CDKAL1: variants seen among roughly 807,000 people sequenced by gnomAD.
CDKAL1 encodes the protein threonylcarbamoyladenosine tRNA methylthiotransferase.
Under a neutral mutation model 68.2 loss-of-function variants are expected in CDKAL1, and 32 were observed. The observed-to-expected ratio is 0.47, with a 90% CI of 0.35 to 0.63. The LOEUF is 0.63. Ranked by LOEUF, CDKAL1 falls within the 30% of genes least tolerant of loss-of-function variation. CDKAL1 has a pLI of 0.00. For synonymous variants in CDKAL1, 234 were observed against 244.3 expected (o/e 0.96, Z 0.39); for missense variants, 606 against 696.7 (o/e 0.87, Z 1.47).
At chr6:21,226,649 G>C (rs1779757741) in intron 15 of CDKAL1, among the ~76,000 whole-genome samples, 1 of 152,154 alleles carries the variant, frequency 6.6e-6, no homozygotes, top group South Asian at 2.1e-4. Flanking sequence ...AGTAGAATTT[G>C]AGTTCTTAAA....
chr6:20,988,182 ATGTGTGTGTG>A (rs58720900), intron 10 of CDKAL1, among the ~76,000 whole-genome samples: 20 of 137,386 alleles, frequency 1.5e-4, no homozygotes, highest in African/African-American at 2.1e-4. Context: ...GAAACATAAT[ATGTGTGTGTG>A]TGTGTGTGTG....
intron 12 of CDKAL1, among the ~76,000 whole-genome samples, chr6:21,106,573 C>T (rs1405917759): frequency 1.3e-5 from 2 of 152,094 alleles, no homozygotes; most frequent in African/African-American, 4.8e-5. Context: ...GAGATCCTGT[C>T]CCTAAGTAAT....
chr6:21,010,979 G>A (rs1210138363), intron 11 of CDKAL1, among the ~76,000 whole-genome samples: 1 of 151,412 alleles, frequency 6.6e-6, no homozygotes, highest in Non-Finnish European at 1.5e-5. Context: ...CTACTTGGGA[G>A]GCTGAGGCAG....
rs991034878 is a variant in CDKAL1, at chr6:21,066,416, G to A, written c.1236+1188G>A. On this transcript the variant is annotated intron_variant, in intron 12 of 15. Transcript: ENST00000274695. ...TAACTTCCCACAAACATAAAAAGAT[G>A]CCAAATTAATTCATTTTCTTCTATA... Among the ~76,000 whole-genome samples, 5 of 152,156 alleles carry A rather than the reference G, an allele frequency of 3.3e-5. No homozygotes were observed. In the East Asian group the frequency reaches 9.7e-4, roughly 29 times the overall value.
intron 8 of CDKAL1, among the ~76,000 whole-genome samples, chr6:20,803,727 A>G (rs1189904611): frequency 1.3e-5 from 2 of 152,140 alleles, no homozygotes; most frequent in African/African-American, 4.8e-5. Flanking sequence ...GTTGGGGAGA[A>G]TCAGGGGAGC....
At chr6:20,758,676 A>G (rs202142569) in intron 7 of CDKAL1, 33 bp downstream of exon 7, 134 of 1,541,806 alleles carry the variant, frequency 8.7e-5, no homozygotes, top group East Asian at 2.3e-5. Context: ...ACAGATGTAT[A>G]TATTTTCTGA....
chr6:20,873,361 A>C (rs1010347050), intron 9 of CDKAL1, among the ~76,000 whole-genome samples: 1 of 152,216 alleles, frequency 6.6e-6, no homozygotes, highest in African/African-American at 2.4e-5. Flanking sequence ...GTATGCATTT[A>C]TAAACTCTCA....
intron 8 of CDKAL1, among the ~76,000 whole-genome samples, chr6:20,805,112 T>G (rs1776514328): frequency 6.6e-6 from 1 of 152,202 alleles, no homozygotes; most frequent in South Asian, 2.1e-4. Context: ...TGTGTGTTAC[T>G]GCATTTCACT....
chr6:21,185,631 G>C (rs556338186), intron 13 of CDKAL1, among the ~76,000 whole-genome samples: 3 of 152,110 alleles, frequency 2.0e-5, no homozygotes, highest in Non-Finnish European at 4.4e-5. Context: ...ATGTGTCTAC[G>C]TATCTATGTG....
At chr6:20,601,722 T>C (rs1463110889) in intron 4 of CDKAL1, among the ~76,000 whole-genome samples, 2 of 152,146 alleles carry the variant, frequency 1.3e-5, no homozygotes, top group African/African-American at 4.8e-5. Flanking sequence ...AGAAAAGAAT[T>C]TGCAATATTT....
intron 15 of CDKAL1, among the ~76,000 whole-genome samples, chr6:21,221,666 C>T (rs920014283): frequency 2.0e-5 from 3 of 152,138 alleles, no homozygotes; most frequent in African/African-American, 7.2e-5. Context: ...GGGAAAAAAG[C>T]CTGTTCTAAA....
chr6:21,044,602 G>A (rs747897413), intron 11 of CDKAL1, among the ~76,000 whole-genome samples: 9 of 152,184 alleles, frequency 5.9e-5, no homozygotes, highest in Non-Finnish European at 1.2e-4. Flanking sequence ...CTAACTTTAT[G>A]TTGACATAGT....
intron 12 of CDKAL1, among the ~76,000 whole-genome samples, chr6:21,074,115 A>G (rs1422052166): frequency 6.6e-6 from 1 of 152,204 alleles, no homozygotes; most frequent in Non-Finnish European, 1.5e-5. Context: ...GCTTCAAACA[A>G]CAGAAATGTA....
At chr6:20,797,841 G>T (rs11968853) in intron 8 of CDKAL1, among the ~76,000 whole-genome samples, 1 of 143,870 alleles carries the variant, frequency 7.0e-6, no homozygotes, top group East Asian at 2.0e-4. Context: ...CTTGGAGACA[G>T]GGTCTAGCTC....
chr6:20,867,198 A>G (rs1759956510), intron 9 of CDKAL1, among the ~76,000 whole-genome samples: 1 of 152,134 alleles, frequency 6.6e-6, no homozygotes, highest in African/African-American at 2.4e-5. Flanking sequence ...TCTCAGTGTA[A>G]TATAGAGTAA....
intron 15 of CDKAL1, among the ~76,000 whole-genome samples, chr6:21,216,336 T>G (rs1300469624): frequency 6.6e-6 from 1 of 152,186 alleles, no homozygotes; most frequent in African/African-American, 2.4e-5. Context: ...GCATAGTGGC[T>G]CACTCCTGTA....
chr6:21,185,306 T>C (rs531700190), intron 13 of CDKAL1, among the ~76,000 whole-genome samples: 1 of 152,186 alleles, frequency 6.6e-6, no homozygotes, highest in East Asian at 1.9e-4. Flanking sequence ...AATTGAAAAT[T>C]GTTTGGACTA....
chr6:20,569,983 G>A (rs1309443831), intron 4 of CDKAL1, among the ~76,000 whole-genome samples: 1 of 151,846 alleles, frequency 6.6e-6, no homozygotes, highest in Non-Finnish European at 1.5e-5. Context: ...GGGTGTCTGG[G>A]ACCTGGTGAG....
At chr6:20,710,702 A>G (rs1257541341) in intron 5 of CDKAL1, among the ~76,000 whole-genome samples, 3 of 152,226 alleles carry the variant, frequency 2.0e-5, no homozygotes, top group Non-Finnish European at 4.4e-5. Flanking sequence ...GCTTACTTTA[A>G]AAAATACAGA....
Sources: allele counts gnomAD v4.1 joint callset (sites outside exome capture counted in the v4.1 genomes callset), GRCh38; gene constraint gnomAD v4.1.1; transcripts MANE v1.5; gene names NCBI Gene and HGNC (gene_info 2026-07-23, HGNC 2026-07-21).